The following SLC35E4 variants were observed in gnomAD, a reference collection of about 807,000 sequenced individuals.
The protein encoded by SLC35E4 is solute carrier family 35, member E4.
SLC35E4 carries 15 observed loss-of-function variants against 19.3 expected under a neutral mutation model. The observed-to-expected ratio is 0.78, with a 90% CI of 0.52 to 1.20. The LOEUF is 1.20. Ranked by LOEUF, SLC35E4 falls within the 50% of genes most tolerant of loss-of-function variation. The pLI, the probability that SLC35E4 is intolerant of heterozygous loss-of-function variation, is 0.00. For missense variants in SLC35E4, 406 were observed against 472.3 expected (o/e 0.86, Z 1.30); for synonymous variants, 219 against 219.9 (o/e 1.00, Z 0.04).
At chr22:30,652,787 C>T (rs2088248561), downstream of SLC35E4, among the ~76,000 whole-genome samples, 1 of 152,202 alleles carries the variant, frequency 6.6e-6, no homozygotes, top group African/African-American at 2.4e-5. Flanking sequence ...AACAAGAAAC[C>T]ACAAAGTCCT....
At chr22:30,638,367 T>C (rs1167246860) in intron 1 of SLC35E4, among the ~76,000 whole-genome samples, 1 of 151,334 alleles carries the variant, frequency 6.6e-6, no homozygotes, top group Non-Finnish European at 1.5e-5. Flanking sequence ...CCGGGCGCCA[T>C]GGCAGGTGTC....
exon 3 of SLC35E4, chr22:30,663,263 T>TA (rs923133666): frequency 1.8e-5 from 12 of 683,782 alleles, no homozygotes; most frequent in African/African-American, 1.3e-4. Flanking sequence ...AGTTTAATCT[T>TA]AAAAAAAATG....
At chr22:30,650,795 G>A (rs1163989002), downstream of SLC35E4, among the ~76,000 whole-genome samples, 1 of 152,164 alleles carries the variant, frequency 6.6e-6, no homozygotes. Context: ...AGTCCCCCAG[G>A]CATGCTCCCG....
chr22:30,645,895 A>G (rs5753261), intron 1 of SLC35E4, among the ~76,000 whole-genome samples: 1 of 145,650 alleles, frequency 6.9e-6, no homozygotes, highest in African/African-American at 2.6e-5. Flanking sequence ...ATTTTGGCTC[A>G]CTGCAACCTC....
intron 1 of SLC35E4, 70 bp downstream of exon 1, chr22:30,637,139 G>A: frequency 6.6e-7 from 1 of 1,504,448 alleles, no homozygotes; most frequent in Non-Finnish European, 8.9e-7. Flanking sequence ...GGCCCTGTGA[G>A]GGGTATGGCT....
Position 30,636,503 on chromosome 22 carries a change from T to G in SLC35E4, c.53T>G (p.Val18Gly). The G allele has an allele frequency of 6.5e-7, 1 of 1,537,300 alleles. No individual in the cohort carries two copies. The highest frequency in any genetic ancestry group is 8.8e-7 in the Non-Finnish European group (1 of 1,137,668). The change falls in exon 1 of 2, where the codon GTA becomes GGA. Residue 18 changes from valine (V) to glycine (G), a missense_variant. Transcript: ENST00000343605. ...HHDGRMTSAE[V>G]GAAAGGAQAA... ...GATGGCAGGATGACCTCAGCCGAAG[T>G]AGGAGCAGCAGCTGGTGGTGCTCAG...
In SLC35E4 at chr22:30,660,889, G is replaced by T. The variant is rs147880847; in HGVS notation, c.*9-1171G>T. ...GAGTCTTGCTCTGTTGCCCAGGCTG[G>T]AGTGCAATGTCCTGATCTTGGCTCA... On this transcript the variant is annotated intron_variant, in intron 2 of 2. Transcript: ENST00000406566. 9.8e-3 allele frequency among the ~76,000 whole-genome samples: 1,489 copies of T among 151,810 alleles called. 14 individuals carry two copies. Among genetic ancestry groups the T allele is most frequent in the South Asian group, 0.031 (146 of 4,782 alleles).
chr22:30,654,054 A>G (rs1205104756), intron 2 of SLC35E4: 1 of 159,800 alleles, frequency 6.3e-6, no homozygotes, highest in African/African-American at 2.5e-5. Context: ...ATCTCGGCTC[A>G]CTGCAAGCTC....
downstream of SLC35E4, among the ~76,000 whole-genome samples, chr22:30,651,619 C>G (rs2088224761): frequency 6.6e-6 from 1 of 151,122 alleles, no homozygotes; most frequent in Non-Finnish European, 1.5e-5. Context: ...TCAATTTAGT[C>G]TGGACCCTAT....
At chr22:30,657,494 C>T (rs1454400217) in intron 2 of SLC35E4, among the ~76,000 whole-genome samples, 3 of 149,350 alleles carry the variant, frequency 2.0e-5, no homozygotes, top group Admixed American at 2.0e-4. Flanking sequence ...TGTAGTGGGT[C>T]GCGCCTATAA....
chr22:30,644,409 T>C (rs1283552955), intron 1 of SLC35E4, among the ~76,000 whole-genome samples: 1 of 152,176 alleles, frequency 6.6e-6, no homozygotes, highest in Non-Finnish European at 1.5e-5. Flanking sequence ...CTCCACTAAC[T>C]TGGCAAAGGC....
chr22:30,661,444 C>CTTTTTTTTTTTTTTTTTTTTTT (rs56242112), intron 2 of SLC35E4: 5 of 136,480 alleles, frequency 3.7e-5, no homozygotes, highest in Non-Finnish European at 3.1e-5. Context: ...TTTTCTTTTT[C>CTTTTTTTTTTTTTTTTTTTTTT]TTTTTTTTTT....
chr22:30,666,496 C>T (rs1042382184), downstream of SLC35E4, among the ~76,000 whole-genome samples: 3 of 151,970 alleles, frequency 2.0e-5, no homozygotes, highest in Admixed American at 1.3e-4. Context: ...GTGGCATGGG[C>T]CTGTAGTCCC....
intron 2 of SLC35E4, among the ~76,000 whole-genome samples, chr22:30,659,280 T>C (rs2088411760): frequency 6.6e-6 from 1 of 152,084 alleles, no homozygotes; most frequent in Non-Finnish European, 1.5e-5. Flanking sequence ...CTATTCAAAA[T>C]GCCTAGGATA....
At chr22:30,638,684 C>T (rs1017517871) in intron 1 of SLC35E4, among the ~76,000 whole-genome samples, 9 of 149,842 alleles carry the variant, frequency 6.0e-5, no homozygotes, top group East Asian at 2.0e-4. Context: ...TGATGGTGGG[C>T]GCCTGTAATC....
Position 30,647,150 on chromosome 22 carries a change from C to T in SLC35E4, c.*119C>T, listed in dbSNP as rs2088148578. On this transcript the variant is annotated 3_prime_UTR_variant, in exon 2 of 2. Transcript: ENST00000343605. ...TGGTGGCTCACGCCTATAATCCCAG[C>T]ACTTCCAGAGTCCGAGGTGGGTGGA... is the stretch of plus-strand genomic sequence containing the variant. 4 of 1,265,860 alleles carry T rather than the reference C, an allele frequency of 3.2e-6. No individual in the cohort carries two copies. Among genetic ancestry groups the T allele is most frequent in the Non-Finnish European group, 4.2e-6 (4 of 943,304 alleles). The allele number at this position is 1,265,860 out of a possible 1,614,324, so 78.4% of individuals were successfully genotyped here. A position where few individuals can be genotyped will look rare whatever the true frequency, so the allele number is the denominator to read the frequency against.
intron 2 of SLC35E4, chr22:30,654,248 T>G (rs747169944): frequency 1.5e-5 from 6 of 397,008 alleles, no homozygotes; most frequent in Non-Finnish European, 2.5e-5. Flanking sequence ...CCTCCCAAAG[T>G]GCTAGGATTA....
downstream of SLC35E4, chr22:30,667,975 A>C (rs575701228): frequency 1.8e-3 from 276 of 153,046 alleles, 2 homozygotes; most frequent in Non-Finnish European, 1.4e-3. Flanking sequence ...GACTAACTCC[A>C]GGTCTGCGCG....
At chr22:30,648,646 C>T (rs2088169026), downstream of SLC35E4, among the ~76,000 whole-genome samples, 1 of 152,132 alleles carries the variant, frequency 6.6e-6, no homozygotes, top group African/African-American at 2.4e-5. Flanking sequence ...AGGAGAATCG[C>T]TGGAACCCAG....
Sources: allele counts gnomAD v4.1 joint callset (sites outside exome capture counted in the v4.1 genomes callset), GRCh38; gene constraint gnomAD v4.1.1; transcripts MANE v1.5; gene names NCBI Gene and HGNC (gene_info 2026-07-23, HGNC 2026-07-21).